Variants in C12orf54 observed in about 807,000 individuals in gnomAD.
C12orf54 encodes the protein uncharacterized protein C12orf54.
In C12orf54, 24 loss-of-function variants were observed where a neutral mutation model predicts 26.4. That is an observed-to-expected ratio of 0.91 (90% confidence interval 0.66 to 1.28). C12orf54 has a LOEUF of 1.28. Among genes scored for constraint, C12orf54 ranks in the 50% most tolerant of loss-of-function variants. C12orf54 has a pLI of 0.00. For missense variants in C12orf54, 154 were observed against 150.9 expected (o/e 1.02, Z -0.11); for synonymous variants, 54 against 47.0 (o/e 1.15, Z -0.61).
chr12:48,413,246 C>T, the C12orf54 span, among the ~76,000 whole-genome samples: 3 of 152,170 alleles, frequency 2.0e-5, no homozygotes, highest in Non-Finnish European at 4.4e-5. Context: ...TCTATATTTG[C>T]CCTACATGCC....
At chr12:48,496,125 G>A (rs2705134) in intron 8 of C12orf54, 56 bp from the exon 9 acceptor site, 31,332 of 152,252 alleles carry the variant, frequency 0.21, 3,545 homozygotes, top group South Asian at 0.3. Context: ...AAATTGTCCA[G>A]CAGGGAGGAG....
chr12:48,495,121 G>A lies in C12orf54; in HGVS notation c.*40+142G>A, dbSNP rs1937884358. 8.2e-6 allele frequency: 5 copies of A among 609,542 alleles called. No individual in the cohort carries two copies. In the South Asian group the frequency reaches 9.6e-5, roughly 12 times the overall value. The allele number at this position is 609,542 out of a possible 1,614,324, so 37.8% of individuals were successfully genotyped here. ...GTGCAGTCATACAAGGGGCAATAGGGTGAGAGGGTGGACAAGTGAAGGCAG... is the reference window on the plus strand; with the variant it reads ...GTGCAGTCATACAAGGGGCAATAGGATGAGAGGGTGGACAAGTGAAGGCAG... On this transcript the variant is annotated intron_variant, in intron 8 of 8. Coordinates refer to ENST00000548364, the MANE Select transcript of C12orf54 (RefSeq NM_152319.4).
At chr12:48,434,212 G>A in the C12orf54 span, among the ~76,000 whole-genome samples, 1 of 152,230 alleles carries the variant, frequency 6.6e-6, no homozygotes, top group Non-Finnish European at 1.5e-5. Context: ...GCGAGGCTGG[G>A]GGAGGGGCGC....
chr12:48,463,226 A>G, the C12orf54 span, among the ~76,000 whole-genome samples: 1 of 152,000 alleles, frequency 6.6e-6, no homozygotes, highest in Non-Finnish European at 1.5e-5. Context: ...TATAGCTTAA[A>G]GAAGCTAAGG....
chr12:48,487,949 T>TTGA, intron 4 of C12orf54: 1 of 695,466 alleles, frequency 1.4e-6, no homozygotes. Context: ...CGCTGAGATG[T>TTGA]TGATACCTAA....
At chr12:48,438,321 A>AT in the C12orf54 span, among the ~76,000 whole-genome samples, 1 of 152,264 alleles carries the variant, frequency 6.6e-6, no homozygotes, top group African/African-American at 2.4e-5. Flanking sequence ...GAAAATGGCC[A>AT]TACGGCCCAA....
the C12orf54 span, among the ~76,000 whole-genome samples, chr12:48,450,535 A>G: frequency 0.2 from 29,961 of 152,162 alleles, 3,280 homozygotes; most frequent in South Asian, 0.3. Flanking sequence ...CAAAAGATCA[A>G]TGAATCCAGG....
the C12orf54 span, among the ~76,000 whole-genome samples, chr12:48,469,876 A>G: frequency 1.3e-5 from 2 of 152,124 alleles, no homozygotes; most frequent in Non-Finnish European, 2.9e-5. Flanking sequence ...TGTCCCCAAC[A>G]TCTGTCATTC....
At chr12:48,456,089 T>C in the C12orf54 span, among the ~76,000 whole-genome samples, 1 of 152,182 alleles carries the variant, frequency 6.6e-6, no homozygotes, top group Non-Finnish European at 1.5e-5. Context: ...CTCAATAAAT[T>C]ATCATTTAAA....
chr12:48,468,749 C>T, the C12orf54 span, among the ~76,000 whole-genome samples: 135 of 152,164 alleles, frequency 8.9e-4, no homozygotes, highest in African/African-American at 2.9e-3. Flanking sequence ...AGTTTTCCAG[C>T]CCACATGCAC....
chr12:48,455,189 C>G, the C12orf54 span, among the ~76,000 whole-genome samples: 7 of 152,128 alleles, frequency 4.6e-5, no homozygotes, highest in Non-Finnish European at 4.4e-5. Context: ...TAAATAAGAA[C>G]ATGCACGATT....
At chr12:48,472,517 T>C in the C12orf54 span, 10 of 824,336 alleles carry the variant, frequency 1.2e-5, no homozygotes, top group Non-Finnish European at 1.7e-5. Flanking sequence ...TGATGGGAGA[T>C]AATAGATTTT....
the C12orf54 span, among the ~76,000 whole-genome samples, chr12:48,414,845 G>A: frequency 5.3e-5 from 8 of 152,248 alleles, no homozygotes; most frequent in East Asian, 5.8e-4. Flanking sequence ...CCAGCGTGGG[G>A]CCTCCTCAGG....
chr12:48,486,139 T>A (rs1407274482), intron 2 of C12orf54, 39 bp from the exon 3 acceptor site: 2 of 1,577,290 alleles, frequency 1.3e-6, no homozygotes, highest in Non-Finnish European at 8.7e-7. Flanking sequence ...GCCCACATTC[T>A]GTGCTCCTCA....
the C12orf54 span, among the ~76,000 whole-genome samples, chr12:48,456,859 G>T: frequency 9.2e-5 from 14 of 152,138 alleles, no homozygotes; most frequent in Non-Finnish European, 1.9e-4. Flanking sequence ...GTAAGAAGCA[G>T]CTGAATCTCA....
the C12orf54 span, among the ~76,000 whole-genome samples, chr12:48,456,281 C>T: frequency 6.6e-6 from 1 of 152,108 alleles, no homozygotes; most frequent in Admixed American, 6.6e-5. Flanking sequence ...ATACTGACAG[C>T]TGTAATGCAG....
chr12:48,437,745 A>T, the C12orf54 span, among the ~76,000 whole-genome samples: 1 of 152,224 alleles, frequency 6.6e-6, no homozygotes, highest in African/African-American at 2.4e-5. Flanking sequence ...TATTGATGGG[A>T]CGTATCTCAA....
rs549036419 is a variant in C12orf54, at chr12:48,494,912, TC to T, written c.358del (p.Gln120AsnfsTer31). 5.3e-5 allele frequency: 86 copies of T among 1,613,048 alleles called. No homozygotes were observed. The South Asian group carries it at 8.6e-4, about 16-fold the overall frequency. ...IHNLKTQLFS[Q>X]SAYYPGP is the part of the protein sequence containing the mutation. ...ACAACCTGAAGACACAGCTCTTCAG[TC>T]AATCAGCTTACTACCCTGGACCCTA... On this transcript the variant is annotated frameshift_variant, in exon 8 of 9. Transcript: ENST00000548364. LOFTEE classifies it high-confidence loss of function.
chr12:48,431,368 T>C, the C12orf54 span, among the ~76,000 whole-genome samples: 1 of 152,222 alleles, frequency 6.6e-6, no homozygotes, highest in Non-Finnish European at 1.5e-5. Flanking sequence ...GGGTATTCAC[T>C]ATAAAATTCT....
Sources: gnomAD v4.1 joint callset for allele counts (sites outside exome capture counted in the v4.1 genomes callset) on GRCh38, gnomAD v4.1.1 for gene constraint, MANE v1.5 for transcripts, NCBI Gene and HGNC (gene_info 2026-07-23, HGNC 2026-07-21) for gene names.